SDK2: variants seen among roughly 807,000 people sequenced by gnomAD.
SDK2 encodes protein sidekick-2.
A neutral mutation model predicts 253.9 loss-of-function variants in SDK2; 105 were observed. The ratio of observed to expected loss-of-function variants is 0.41; its 90% CI spans 0.35 to 0.49. The LOEUF (loss-of-function observed/expected upper bound fraction) is 0.49, where lower values mean the gene tolerates loss of function less well. Among genes scored for constraint, SDK2 ranks in the 20% least tolerant of loss-of-function variants. The probability of loss-of-function intolerance (pLI) is 0.06; values close to 1 mark genes in which losing one functional copy is unlikely to be tolerated. For missense variants in SDK2, 2,608 were observed against 3,003.0 expected (o/e 0.87, Z 3.07); for synonymous variants, 1,249 against 1,234.9 (o/e 1.01, Z -0.24).
intron 18 of SDK2, among the ~76,000 whole-genome samples, chr17:73,409,553 C>A (rs1017614809): frequency 6.6e-6 from 1 of 151,984 alleles, no homozygotes; most frequent in Non-Finnish European, 1.5e-5. Flanking sequence ...TCGCTTGAAC[C>A]CGGGAGGCAG....
rs1297414736 is a variant in SDK2 at position 73,455,940 on chromosome 17, G to A, written c.445C>T (p.Arg149Trp). 1.3e-5 allele frequency: 20 copies of A among 1,544,714 alleles called. No individual in the cohort carries two copies. The highest frequency in any genetic ancestry group is 2.4e-5 in the South Asian group (2 of 83,878). Reference protein sequence around the residue: ...SFPQPQVTWFRDGRKIPPSSR... With the variant: ...SFPQPQVTWFWDGRKIPPSSR... ...CTGGGCGGGATCTTGCGGCCGTCCC[G>A]GAACCAGGTCACCTGTGGCTGGGGG... The change falls in exon 4 of 45, where the codon CGG becomes TGG. Residue 149 changes from arginine to tryptophan, a missense_variant. Transcript: ENST00000392650. This position sits in a 1 kb window ranked among gnomAD's most constrained non-coding sequence, Gnocchi z 5.0.
chr17:73,560,564 T>C (rs1430920602), intron 1 of SDK2, among the ~76,000 whole-genome samples: 2 of 152,218 alleles, frequency 1.3e-5, no homozygotes, highest in Non-Finnish European at 2.9e-5. Flanking sequence ...GGTCTCGAAC[T>C]CCTGACCTCA....
chr17:73,343,316 C>G (rs1039273123), intron 44 of SDK2, among the ~76,000 whole-genome samples: 4 of 152,264 alleles, frequency 2.6e-5, no homozygotes. Context: ...CTGCCTCTTC[C>G]CCCGCTCCGC....
chr17:73,597,802 C>T lies in SDK2; in HGVS notation c.64+46223G>A, dbSNP rs909425599. Among the ~76,000 whole-genome samples the T allele has an allele frequency of 9.9e-5, 15 of 152,166 alleles. 1 individual carries two copies. Among genetic ancestry groups the T allele is most frequent in the East Asian group, 7.7e-4 (4 of 5,168 alleles). On this transcript the variant is annotated intron_variant, in intron 1 of 44. Transcript: ENST00000392650. Reference sequence around the variant, plus strand: ...CTGAGACTACAGGCACCCGCCACCACGCCCGGGTAATTTTTTGTATTTTTA... The same window carrying T: ...CTGAGACTACAGGCACCCGCCACCATGCCCGGGTAATTTTTTGTATTTTTA...
chr17:73,571,665 G>A (rs2045388826), intron 1 of SDK2, among the ~76,000 whole-genome samples: 1 of 152,234 alleles, frequency 6.6e-6, no homozygotes, highest in Non-Finnish European at 1.5e-5. Context: ...CCTCGGGTGT[G>A]GGGCATGTGC....
chr17:73,412,330 A>T (rs2063146672), intron 18 of SDK2, among the ~76,000 whole-genome samples: 2 of 150,188 alleles, frequency 1.3e-5, no homozygotes, highest in Non-Finnish European at 3.0e-5. Flanking sequence ...TAGAGATGGG[A>T]TTTCACCATG....
At chr17:73,520,442 C>G (rs1305461657) in intron 1 of SDK2, 1 of 152,264 alleles carries the variant, frequency 6.6e-6, no homozygotes, top group Non-Finnish European at 1.5e-5. Flanking sequence ...CCCTTTGTCT[C>G]TACCACAGGG....
rs149956218 is a variant in SDK2, at chr17:73,514,088, G to A, written c.65-6491C>T. Among the ~76,000 whole-genome samples, 807 of 152,252 alleles carry A rather than the reference G, an allele frequency of 5.3e-3. 9 individuals carry two copies. Among genetic ancestry groups the A allele is most frequent in the African/African-American group, 0.018 (737 of 41,536 alleles). ...TCTATGATCAGATATATGTATACAT[G>A]TGCATACGTGTATGTGAGTGTGCAT... On this transcript the variant is annotated intron_variant, in intron 1 of 44. Transcript: ENST00000392650.
chr17:73,417,477 C>T (rs969359837), intron 16 of SDK2, among the ~76,000 whole-genome samples: 1 of 151,946 alleles, frequency 6.6e-6, no homozygotes, highest in Non-Finnish European at 1.5e-5. Flanking sequence ...CTAGCCCCCA[C>T]ACTGTTCAAG....
chr17:73,453,549 G>T (rs1406574580), intron 4 of SDK2, among the ~76,000 whole-genome samples: 2 of 151,960 alleles, frequency 1.3e-5, no homozygotes, highest in African/African-American at 4.8e-5. Context: ...GGCTAATTTT[G>T]TATTTTTAGT....
At position 73,401,911 on chromosome 17, in the gene SDK2, G is replaced by C. The variant is rs538444048; in HGVS notation, c.2680+35C>G. ...GGCGCCCAGCCTGGCCTTGGGCGGG[G>C]GGGGGCAGAAAGAGCAGGGCTGGGG... is the stretch of plus-strand genomic sequence containing the variant. On this transcript the variant is annotated intron_variant, in intron 19 of 44. Coordinates refer to ENST00000392650, the MANE Select transcript of SDK2 (RefSeq NM_001144952.2). 4.1e-5 allele frequency: 61 copies of C among 1,500,106 alleles called. 1 individual carries two copies. The highest frequency in any genetic ancestry group is 2.1e-4 in the East Asian group (9 of 42,512). 92.9% of individuals were successfully genotyped at this position (1,500,106 alleles called of 1,614,324 possible).
chr17:73,507,316 A>C, intron 2 of SDK2, 122 bp downstream of exon 2: 1 of 1,073,708 alleles, frequency 9.3e-7, no homozygotes, highest in Non-Finnish European at 1.3e-6. Flanking sequence ...CACTTCCAGA[A>C]CTCCAGGCTC....
At chr17:73,522,393 C>T (rs945450560) in intron 1 of SDK2, among the ~76,000 whole-genome samples, 1 of 152,338 alleles carries the variant, frequency 6.6e-6, no homozygotes, top group Admixed American at 6.5e-5. Flanking sequence ...CTTGGGGAAG[C>T]AGAGGAGTCT....
intron 9 of SDK2, among the ~76,000 whole-genome samples, chr17:73,434,114 G>C (rs1451118558): frequency 1.3e-5 from 2 of 152,206 alleles, no homozygotes; most frequent in Non-Finnish European, 2.9e-5. Flanking sequence ...TGGATTCTCA[G>C]GCCTGCATTT....
chr17:73,475,549 G>T (rs1332067051), intron 2 of SDK2, among the ~76,000 whole-genome samples: 1 of 152,220 alleles, frequency 6.6e-6, no homozygotes, highest in Non-Finnish European at 1.5e-5. Context: ...ACAAACAAAC[G>T]AAAGCTAGAA....
At chr17:73,576,725 T>A (rs554869897) in intron 1 of SDK2, among the ~76,000 whole-genome samples, 1 of 152,170 alleles carries the variant, frequency 6.6e-6, no homozygotes, top group South Asian at 2.1e-4. Flanking sequence ...CCAGTACCTA[T>A]AGGTCTCCCT....
chr17:73,536,281 G>GC (rs1456125893), intron 1 of SDK2, among the ~76,000 whole-genome samples: 1 of 152,228 alleles, frequency 6.6e-6, no homozygotes, highest in African/African-American at 2.4e-5. Context: ...GGATCAGCAA[G>GC]CAGGTCACTG....
At chr17:73,535,372 G>A (rs537641667) in intron 1 of SDK2, among the ~76,000 whole-genome samples, 1 of 152,246 alleles carries the variant, frequency 6.6e-6, no homozygotes, top group Admixed American at 6.5e-5. Flanking sequence ...TCGCTGACAG[G>A]AAAAATGACA....
In SDK2 at chr17:73,338,841, G is replaced by C; in HGVS notation, c.6265C>G (p.Arg2089Gly). ...GCCCTCGAGATGCCCTTCTGCTGTC[G>C]CCGCCACGAGTTGTAGTATGTGGGG... ...SDPTYYNSWR[R>G]QQKGISRAQA... Residue 2089 changes from arginine (R) to glycine (G), a missense_variant, in exon 45 of 45, where the codon CGA (arginine) becomes GGA (glycine). By Grantham distance (125) the Arg-to-Gly change is moderately radical. Coordinates refer to ENST00000392650, the MANE Select transcript of SDK2 (RefSeq NM_001144952.2). The surrounding 1 kb of genome is among the most constrained non-coding windows in gnomAD (Gnocchi z 5.0). The C allele has an allele frequency of 6.2e-7, 1 of 1,613,994 alleles. No individual in the cohort carries two copies. Among genetic ancestry groups the C allele is most frequent in the Non-Finnish European group, 8.5e-7 (1 of 1,179,890 alleles).
Sources: gnomAD v4.1 joint callset for allele counts (sites outside exome capture counted in the v4.1 genomes callset) on GRCh38, gnomAD v4.1.1 for gene constraint, Gnocchi (gnomAD v3.1) non-coding constraint, MANE v1.5 for transcripts, NCBI Gene and HGNC (gene_info 2026-07-23, HGNC 2026-07-21) for gene names.